The following PSPH variants were observed in gnomAD, a reference collection of about 807,000 sequenced individuals.
PSPH encodes the protein L-3-phosphoserine phosphatase.
Under a neutral mutation model 23.4 loss-of-function variants are expected in PSPH, and 16 were observed. The observed-to-expected ratio is 0.68, with a 90% CI of 0.46 to 1.04. The LOEUF (loss-of-function observed/expected upper bound fraction) is 1.04, where lower values mean the gene tolerates loss of function less well. Among genes scored for constraint, PSPH ranks in the 50% least tolerant of loss-of-function variants. The pLI is 0.00. For missense variants in PSPH, 223 were observed against 273.7 expected (o/e 0.81, Z 1.31); for synonymous variants, 68 against 99.7 (o/e 0.68, Z 1.89).
chr7:56,021,339 C>T, intron 3 of PSPH, 108 bp from the exon 4 acceptor site: 3 of 1,064,860 alleles, frequency 2.8e-6, no homozygotes, highest in Non-Finnish European at 4.2e-6. Flanking sequence ...GTGCAGGCCA[C>T]ATAAGAGTGT....
At chr7:56,014,039 G>A (rs1308029037) in intron 7 of PSPH, among the ~76,000 whole-genome samples, 1 of 152,010 alleles carries the variant, frequency 6.6e-6, no homozygotes, top group African/African-American at 2.4e-5. Flanking sequence ...TAAGGTGGGA[G>A]AATCACTTGA....
chr7:56,035,282 T>C (rs1336521854), intron 1 of PSPH, among the ~76,000 whole-genome samples: 7 of 151,248 alleles, frequency 4.6e-5, no homozygotes, highest in Non-Finnish European at 3.0e-5. Flanking sequence ...GGGGAGGAGG[T>C]TGCAGTGAAC....
intron 3 of PSPH, among the ~76,000 whole-genome samples, chr7:56,023,470 C>T (rs1466464610): frequency 1.3e-5 from 2 of 151,748 alleles, no homozygotes; most frequent in Non-Finnish European, 2.9e-5. Flanking sequence ...GCTATGTTGC[C>T]CAGAATGGTC....
chr7:56,030,597 C>T (rs1054311415), intron 3 of PSPH, among the ~76,000 whole-genome samples: 2 of 152,076 alleles, frequency 1.3e-5, no homozygotes, highest in African/African-American at 2.4e-5. Context: ...GATACAAAGA[C>T]GGGAAAAACA....
intron 1 of PSPH, among the ~76,000 whole-genome samples, chr7:56,040,463 AAC>A (rs1792381834): frequency 6.6e-6 from 1 of 152,010 alleles, no homozygotes; most frequent in Non-Finnish European, 1.5e-5. Context: ...GTGTAATCTC[AAC>A]ACACTACAAT....
intron 1 of PSPH, among the ~76,000 whole-genome samples, chr7:56,045,886 CAAAA>C (rs34528611): frequency 9.2e-6 from 1 of 108,238 alleles, no homozygotes; most frequent in Non-Finnish European, 1.8e-5. Context: ...GACTTTGTCT[CAAAA>C]AAAAAAAAAA....
intron 3 of PSPH, among the ~76,000 whole-genome samples, chr7:56,025,750 C>A (rs1313447464): frequency 6.6e-6 from 1 of 152,164 alleles, no homozygotes; most frequent in South Asian, 2.1e-4. Context: ...CGTGCCACCA[C>A]ATCCAGCTAA....
At chr7:56,013,139 G>A (rs916201727) in intron 7 of PSPH, among the ~76,000 whole-genome samples, 20 of 98,978 alleles carry the variant, frequency 2.0e-4, no homozygotes, top group Middle Eastern at 6.4e-3. Flanking sequence ...ATATATATAC[G>A]TATATGTGTA....
intron 1 of PSPH, among the ~76,000 whole-genome samples, chr7:56,043,475 AG>A (rs1792811270): frequency 6.6e-6 from 1 of 151,986 alleles, no homozygotes; most frequent in African/African-American, 2.4e-5. Flanking sequence ...CAACAGAGTA[AG>A]ACCCCATATC....
At chr7:56,038,383 C>T (rs1792021858) in intron 1 of PSPH, among the ~76,000 whole-genome samples, 1 of 151,808 alleles carries the variant, frequency 6.6e-6, no homozygotes, top group East Asian at 2.0e-4. Flanking sequence ...GGCATGAACC[C>T]AAGAGGCGGA....
At chr7:56,033,357 TTAG>T in intron 2 of PSPH, 1 of 150,698 alleles carries the variant, frequency 6.6e-6, no homozygotes, top group Non-Finnish European at 1.5e-5. Flanking sequence ...AATTAAAAAA[TTAG>T]TTAGGCATGA....
At chr7:56,024,689 A>C (rs1296278658) in intron 3 of PSPH, among the ~76,000 whole-genome samples, 1 of 152,012 alleles carries the variant, frequency 6.6e-6, no homozygotes, top group African/African-American at 2.4e-5. Context: ...TTGAGGCTGC[A>C]GTGAGCTATG....
At chr7:56,014,489 T>C (rs1194642374) in intron 7 of PSPH, among the ~76,000 whole-genome samples, 1 of 152,244 alleles carries the variant, frequency 6.6e-6, no homozygotes, top group Non-Finnish European at 1.5e-5. Context: ...TTAAATCTTA[T>C]GTAGTTCGAA....
chr7:56,047,388 CAAA>C (rs112157741), intron 1 of PSPH, among the ~76,000 whole-genome samples: 4 of 80,520 alleles, frequency 5.0e-5, no homozygotes, highest in African/African-American at 4.8e-5. Flanking sequence ...GACCCTGTCT[CAAA>C]AAAAAAAAAA....
intron 5 of PSPH, 119 bp downstream of exon 5, chr7:56,019,475 AAAAATG>A (rs1321915240): frequency 2.4e-6 from 3 of 1,248,368 alleles, no homozygotes; most frequent in Non-Finnish European, 3.2e-6. Context: ...TAAAAAATTA[AAAAATG>A]AAAATGAAAA....
intron 7 of PSPH, 108 bp downstream of exon 7, chr7:56,014,915 C>T (rs1008036802): frequency 8.2e-7 from 1 of 1,226,182 alleles, no homozygotes. Context: ...TGCACTCCAA[C>T]CTGGGCAACA....
intron 3 of PSPH, among the ~76,000 whole-genome samples, chr7:56,031,706 A>C (rs1181148040): frequency 6.6e-6 from 1 of 152,104 alleles, no homozygotes; most frequent in Non-Finnish European, 1.5e-5. Context: ...CCAACTACTC[A>C]GGAGGCTGAG....
chr7:56,039,214 AG>A (rs1792155203), intron 1 of PSPH, among the ~76,000 whole-genome samples: 1 of 151,996 alleles, frequency 6.6e-6, no homozygotes, highest in African/African-American at 2.4e-5. Flanking sequence ...GAACATTCTC[AG>A]TTACTGTGAT....
intron 1 of PSPH, among the ~76,000 whole-genome samples, chr7:56,045,560 G>C (rs1793112890): frequency 6.6e-6 from 1 of 152,068 alleles, no homozygotes. Context: ...TAATACGTTA[G>C]TCTCTTGCTT....
Sources: allele counts gnomAD v4.1 joint callset (sites outside exome capture counted in the v4.1 genomes callset), GRCh38; gene constraint gnomAD v4.1.1; transcripts MANE v1.5; gene names NCBI Gene and HGNC (gene_info 2026-07-23, HGNC 2026-07-21).